The following CTDP1 variants were observed in gnomAD, a reference collection of about 807,000 sequenced individuals.
CTDP1 encodes the protein RNA polymerase II subunit A C-terminal domain phosphatase.
Under a neutral mutation model 91.8 loss-of-function variants are expected in CTDP1, and 47 were observed. The ratio of observed to expected loss-of-function variants is 0.51; its 90% CI spans 0.41 to 0.65. The LOEUF (loss-of-function observed/expected upper bound fraction) is 0.65, where lower values mean the gene tolerates loss of function less well. Ranked by LOEUF, CTDP1 falls within the 30% of genes least tolerant of loss-of-function variation. CTDP1 has a pLI of 0.00. For synonymous variants in CTDP1, 656 were observed against 598.5 expected, an observed-to-expected ratio of 1.10 and a Z score of -1.40; for missense variants, 1,272 against 1,373.7, an observed-to-expected ratio of 0.93 and a Z score of 1.17.
At chr18:79,680,322 AC>A (rs1599172445) in intron 1 of CTDP1, 61 bp downstream of exon 1, 17 of 1,212,230 alleles carry the variant, frequency 1.4e-5, no homozygotes, top group Non-Finnish European at 1.5e-5. Context: ...ATCCTGGAGG[AC>A]CCCCGGGCTG....
At chr18:79,736,955 G>A (rs534269955) in intron 12 of CTDP1, among the ~76,000 whole-genome samples, 2 of 152,268 alleles carry the variant, frequency 1.3e-5, no homozygotes, top group African/African-American at 4.8e-5. Flanking sequence ...CTGTATGTGT[G>A]CACAGGCGTG....
intron 5 of CTDP1, among the ~76,000 whole-genome samples, chr18:79,709,727 G>A (rs1234160713): frequency 6.6e-6 from 1 of 152,174 alleles, no homozygotes; most frequent in African/African-American, 2.4e-5. Context: ...CTTCCTCGAT[G>A]TTGCCTAAAT....
chr18:79,700,414 T>A (rs2085834493), intron 4 of CTDP1, among the ~76,000 whole-genome samples: 1 of 152,238 alleles, frequency 6.6e-6, no homozygotes, highest in African/African-American at 2.4e-5. Context: ...GAAACAGCCT[T>A]ATTGCTGAGA....
At chr18:79,696,154 C>G in intron 3 of CTDP1, 84 bp downstream of exon 3, 3 of 1,193,706 alleles carry the variant, frequency 2.5e-6, no homozygotes, top group Non-Finnish European at 2.4e-6. Flanking sequence ...GCTGCAGAAG[C>G]ACGGACGTGT....
chr18:79,700,683 A>G (rs1180736237), intron 4 of CTDP1, among the ~76,000 whole-genome samples: 2 of 152,256 alleles, frequency 1.3e-5, no homozygotes, highest in Non-Finnish European at 2.9e-5. Flanking sequence ...CCCTGGAGAT[A>G]GGCTGAGATC....
intron 10 of CTDP1, among the ~76,000 whole-genome samples, chr18:79,727,511 C>T (rs1251531976): frequency 4.6e-5 from 7 of 152,082 alleles, no homozygotes; most frequent in South Asian, 2.1e-4. Context: ...TTGCGGCGTT[C>T]GTGGGATGGG....
chr18:79,702,199 T>C (rs909184868), intron 4 of CTDP1, among the ~76,000 whole-genome samples: 2 of 152,094 alleles, frequency 1.3e-5, no homozygotes, highest in African/African-American at 4.8e-5. Flanking sequence ...CAAACTTCAT[T>C]GTCATCTTAT....
Position 79,714,859 on chromosome 18 carries a change from A to G in CTDP1, c.1399A>G (p.Thr467Ala). 6.3e-7 allele frequency: 1 copy of G among 1,588,284 alleles called. No homozygotes were observed. The highest frequency in any genetic ancestry group is 8.6e-7 in the Non-Finnish European group (1 of 1,168,406). Residue 467 changes from threonine to alanine, a missense_variant, in exon 8 of 13, where the codon ACG becomes GCG. Thr to Ala is a moderately conservative substitution (Grantham distance 58). This residue lies in a region of CTDP1 where 881 missense variants were observed against 911.6 expected (regional missense o/e 0.97). Coordinates refer to ENST00000613122, the MANE Select transcript of CTDP1 (RefSeq NM_004715.5). ...DSESSSESEGTKSSSSASDGE... is the reference protein window; with the variant it reads ...DSESSSESEGAKSSSSASDGE... ...CGAGAGCAGCAGTGAGTCCGAGGGCACGAAGTCCTCCTCCTCCGCCTCTGA... is the reference window on the plus strand; with the variant it reads ...CGAGAGCAGCAGTGAGTCCGAGGGCGCGAAGTCCTCCTCCTCCGCCTCTGA...
chr18:79,698,136 C>T (rs1483984886), intron 4 of CTDP1, 148 bp downstream of exon 4: 11 of 1,207,998 alleles, frequency 9.1e-6, no homozygotes, highest in Admixed American at 6.0e-5. Flanking sequence ...GGGCGTGGGC[C>T]GTGTGTCTGC....
At chr18:79,720,819 C>G (rs2086330082) in intron 10 of CTDP1, among the ~76,000 whole-genome samples, 1 of 152,196 alleles carries the variant, frequency 6.6e-6, no homozygotes, top group Admixed American at 6.5e-5. Context: ...GGGGCTCAGT[C>G]CCACCAGGCT....
chr18:79,687,655 A>G (rs1339074837), intron 1 of CTDP1, among the ~76,000 whole-genome samples: 1 of 151,038 alleles, frequency 6.6e-6, no homozygotes, highest in Non-Finnish European at 1.5e-5. Context: ...TGGCTTCGCC[A>G]GTTCACTGGT....
chr18:79,700,768 G>A (rs941189638), intron 4 of CTDP1, among the ~76,000 whole-genome samples: 4 of 152,184 alleles, frequency 2.6e-5, no homozygotes, highest in East Asian at 1.9e-4. Flanking sequence ...AGAAGATGCC[G>A]TCTAGGACTT....
At chr18:79,719,698 C>T (rs749988426) in intron 10 of CTDP1, among the ~76,000 whole-genome samples, 11 of 149,912 alleles carry the variant, frequency 7.3e-5, no homozygotes, top group Admixed American at 6.0e-4. Flanking sequence ...GATGATGTCA[C>T]CTCCCATTAG....
intron 10 of CTDP1, among the ~76,000 whole-genome samples, chr18:79,723,006 C>CTAAAT (rs1395017119): frequency 6.6e-6 from 1 of 152,200 alleles, no homozygotes; most frequent in African/African-American, 2.4e-5. Context: ...GGCGCCTGCC[C>CTAAAT]AGTTCCCTGC....
intron 1 of CTDP1, among the ~76,000 whole-genome samples, chr18:79,693,747 A>C (rs1055543759): frequency 1.3e-5 from 2 of 151,842 alleles, no homozygotes; most frequent in African/African-American, 2.4e-5. Flanking sequence ...TGATCCGCAC[A>C]CGCCCATCCT....
chr18:79,695,952 C>G (rs1296204853), intron 2 of CTDP1, 25 bp from the exon 3 acceptor site: 1 of 1,603,202 alleles, frequency 6.2e-7, no homozygotes, highest in Non-Finnish European at 8.5e-7. Flanking sequence ...AGCTGAAAGC[C>G]CTGAACCTGT....
chr18:79,698,573 C>T (rs1047259333), intron 4 of CTDP1, among the ~76,000 whole-genome samples: 3 of 152,190 alleles, frequency 2.0e-5, no homozygotes, highest in South Asian at 2.1e-4. Context: ...ACCAGAGAAG[C>T]TGAATTTCTA....
intron 4 of CTDP1, chr18:79,703,515 G>T (rs551390999): frequency 1.3e-5 from 2 of 152,338 alleles, no homozygotes; most frequent in East Asian, 3.9e-4. Flanking sequence ...TGTTGTATAT[G>T]TAGATGAAAG....
intron 11 of CTDP1, chr18:79,735,887 C>G (rs747064172): frequency 5.3e-6 from 1 of 189,168 alleles, no homozygotes; most frequent in African/African-American, 2.3e-5. Context: ...GACATCTTAG[C>G]GAGCGTCCCT....
Sources: allele counts gnomAD v4.1 joint callset (sites outside exome capture counted in the v4.1 genomes callset), GRCh38; gene constraint gnomAD v4.1.1; regional missense constraint gnomAD v4.1.1; transcripts MANE v1.5; gene names NCBI Gene and HGNC (gene_info 2026-07-23, HGNC 2026-07-21).